CCSER1: variants seen among roughly 807,000 people sequenced by gnomAD.
CCSER1 encodes the protein coiled-coil serine rich protein 1.
A neutral mutation model predicts 82.0 loss-of-function variants in CCSER1; 41 were observed. That is an observed-to-expected ratio of 0.50 (90% confidence interval 0.39 to 0.65). The LOEUF (loss-of-function observed/expected upper bound fraction) is 0.65, where lower values mean the gene tolerates loss of function less well. Ranked by LOEUF, CCSER1 falls within the 30% of genes least tolerant of loss-of-function variation. CCSER1 has a pLI of 0.00. For missense variants in CCSER1, 1,119 were observed against 1,064.2 expected, an observed-to-expected ratio of 1.05 and a Z score of -0.72; for synonymous variants, 414 against 383.9, an observed-to-expected ratio of 1.08 and a Z score of -0.92.
chr4:90,912,382 C>G (rs537369155), intron 8 of CCSER1, among the ~76,000 whole-genome samples: 1 of 152,324 alleles, frequency 6.6e-6, no homozygotes, highest in Non-Finnish European at 1.5e-5. Flanking sequence ...CAAACAGGGT[C>G]TGGAGTGGAC....
At chr4:91,053,777 A>G (rs72886643) in intron 9 of CCSER1, among the ~76,000 whole-genome samples, 3,269 of 152,262 alleles carry the variant, frequency 0.021, 101 homozygotes, top group African/African-American at 0.073. Context: ...ATTACTGTGC[A>G]TCTTTGTTCA....
chr4:90,862,822 T>C (rs11724525), intron 8 of CCSER1, among the ~76,000 whole-genome samples: 150,297 of 151,564 alleles, frequency 0.99, 74,522 homozygotes, highest in Middle Eastern at 1. Flanking sequence ...CCCATCATTA[T>C]GTCTTCTCTC....
intron 10 of CCSER1, among the ~76,000 whole-genome samples, chr4:91,169,937 T>C (rs886135703): frequency 1.3e-5 from 2 of 152,200 alleles, no homozygotes; most frequent in African/African-American, 4.8e-5. Flanking sequence ...TCAATTAGTG[T>C]TGGATTTGTC....
chr4:90,829,332 G>A (rs1760853669), intron 8 of CCSER1, among the ~76,000 whole-genome samples: 1 of 152,052 alleles, frequency 6.6e-6, no homozygotes, highest in Non-Finnish European at 1.5e-5. Context: ...AGATAGAATG[G>A]TTTATAATGT....
intron 10 of CCSER1, among the ~76,000 whole-genome samples, chr4:91,123,166 G>A (rs535662245): frequency 6.6e-6 from 1 of 151,766 alleles, no homozygotes; most frequent in South Asian, 2.1e-4. Flanking sequence ...GCATACCCAT[G>A]AAGTTTATTA....
chr4:90,321,083 G>T (rs1737068619), intron 3 of CCSER1, among the ~76,000 whole-genome samples: 1 of 151,848 alleles, frequency 6.6e-6, no homozygotes, highest in African/African-American at 2.4e-5. Flanking sequence ...CCAATTCCAG[G>T]TTTTTGTTAT....
intron 10 of CCSER1, among the ~76,000 whole-genome samples, chr4:91,179,675 A>T (rs987470330): frequency 6.6e-6 from 1 of 152,154 alleles, no homozygotes; most frequent in African/African-American, 2.4e-5. Flanking sequence ...TGTCTTCTGT[A>T]TGCTTTTTAT....
chr4:91,483,367 C>A (rs769180794), intron 10 of CCSER1, among the ~76,000 whole-genome samples: 1 of 151,954 alleles, frequency 6.6e-6, no homozygotes, highest in Non-Finnish European at 1.5e-5. Flanking sequence ...TATGTCCTCT[C>A]TTATGGGCCT....
intron 6 of CCSER1, among the ~76,000 whole-genome samples, chr4:90,718,105 A>G (rs573561511): frequency 6.6e-6 from 1 of 152,272 alleles, no homozygotes; most frequent in Admixed American, 6.5e-5. Flanking sequence ...TGATAACACC[A>G]TTATTAAAGC....
intron 1 of CCSER1, among the ~76,000 whole-genome samples, chr4:90,140,241 G>A (rs552122402): frequency 1.5e-4 from 23 of 152,218 alleles, no homozygotes; most frequent in African/African-American, 2.4e-4. Context: ...GCATGTGTGC[G>A]CAAAATTTAG....
chr4:91,169,401 A>C (rs1000068369), intron 10 of CCSER1, among the ~76,000 whole-genome samples: 2 of 152,034 alleles, frequency 1.3e-5, no homozygotes, highest in African/African-American at 4.8e-5. Flanking sequence ...CGGGTGGATC[A>C]TTTGAGGTCA....
chr4:91,296,483 A>ATTT lies in CCSER1; in HGVS notation c.2217+210490_2217+210491insTTT, dbSNP rs1553921462. On this transcript the variant is annotated intron_variant, in intron 10 of 10. Transcript: ENST00000509176. ...TATATATATGTATATATATATATAT[A>ATTT]TATTTTAATTAAATATACAGTTATC... Among the ~76,000 whole-genome samples the ATTT allele has an allele frequency of 2.4e-5, 3 of 124,068 alleles. 1 individual carries two copies. In the East Asian group the frequency reaches 6.4e-4, roughly 26 times the overall value. 81.4% of individuals were successfully genotyped at this position (124,068 alleles called of 152,430 possible). A position where few individuals can be genotyped will look rare whatever the true frequency, so the allele number is the denominator to read the frequency against.
intron 10 of CCSER1, among the ~76,000 whole-genome samples, chr4:91,250,247 T>C (rs1740150410): frequency 1.3e-5 from 2 of 152,158 alleles, no homozygotes; most frequent in Non-Finnish European, 1.5e-5. Context: ...CAAATTTCTT[T>C]CTTATTGTTT....
intron 10 of CCSER1, among the ~76,000 whole-genome samples, chr4:91,585,893 G>A (rs1044375410): frequency 6.6e-6 from 1 of 151,598 alleles, no homozygotes; most frequent in Non-Finnish European, 1.5e-5. Context: ...TCAGTAGGAA[G>A]GTATTGAAAG....
chr4:90,954,342 A>ATG (rs2150360369), intron 9 of CCSER1, among the ~76,000 whole-genome samples: 1 of 152,182 alleles, frequency 6.6e-6, no homozygotes, highest in East Asian at 1.9e-4. Context: ...ACATTTTAGT[A>ATG]GTTAACATTT....
At chr4:90,353,993 G>A (rs946354161) in intron 3 of CCSER1, among the ~76,000 whole-genome samples, 4 of 152,130 alleles carry the variant, frequency 2.6e-5, no homozygotes, top group African/African-American at 4.8e-5. Flanking sequence ...ATATCTGCAC[G>A]CCGTGTTCAT....
At position 90,315,301 on chromosome 4, in the gene CCSER1, A is replaced by G. The variant is rs534470129; in HGVS notation, c.1509+2254A>G. Among the ~76,000 whole-genome samples, 3 of 152,322 alleles carry G rather than the reference A, an allele frequency of 2.0e-5. No homozygotes were observed. The South Asian group carries it at 6.2e-4, about 32-fold the overall frequency. On this transcript the variant is annotated intron_variant, in intron 3 of 10. Coordinates refer to ENST00000509176, the MANE Select transcript of CCSER1 (RefSeq NM_001145065.2). The stretch of plus-strand genomic sequence containing the variant: ...CACCACTGCCGTGGTGGTGGACAGT[A>G]TATCAGGGTTGGAACAGAAACTTGG...
At chr4:91,560,020 AGAT>A (rs1325398316) in intron 10 of CCSER1, among the ~76,000 whole-genome samples, 4 of 151,574 alleles carry the variant, frequency 2.6e-5, no homozygotes, top group African/African-American at 9.7e-5. Context: ...ATCAATTGAC[AGAT>A]GAGTAGGTAA....
At chr4:91,181,957 T>G (rs562198477) in intron 10 of CCSER1, among the ~76,000 whole-genome samples, 1 of 152,340 alleles carries the variant, frequency 6.6e-6, no homozygotes, top group Non-Finnish European at 1.5e-5. Flanking sequence ...GTTCTCTGTG[T>G]CAGTCCTTAT....
Sources: allele counts gnomAD v4.1 joint callset (sites outside exome capture counted in the v4.1 genomes callset), GRCh38; gene constraint gnomAD v4.1.1; transcripts MANE v1.5; gene names NCBI Gene and HGNC (gene_info 2026-07-23, HGNC 2026-07-21).